Variants in AOAH observed in about 807,000 individuals in gnomAD.
The protein encoded by AOAH is acyloxyacyl hydrolase (neutrophil).
AOAH carries 64 observed loss-of-function variants against 92.2 expected under a neutral mutation model. That is an observed-to-expected ratio of 0.69 (90% confidence interval 0.57 to 0.86). The LOEUF (loss-of-function observed/expected upper bound fraction) is 0.86. AOAH is among the 40% of genes least tolerant of loss of function. AOAH has a pLI of 0.00. For synonymous variants in AOAH, 263 were observed against 254.5 expected (o/e 1.03, Z -0.32); for missense variants, 656 against 694.6 (o/e 0.94, Z 0.62).
At chr7:36,678,600 T>TGTGTGTGTGTGTGTGTGTGTGTGTGTGC (rs549317369) in intron 2 of AOAH, among the ~76,000 whole-genome samples, 1 of 131,034 alleles carries the variant, frequency 7.6e-6, no homozygotes, top group Admixed American at 7.7e-5. Context: ...TGTGTGTGTG[T>TGTGTGTGTGTGTGTGTGTGTGTGTGTGC]GCGCGCGCGC....
At chr7:36,608,484 A>G (rs913160481) in intron 11 of AOAH, among the ~76,000 whole-genome samples, 1 of 152,254 alleles carries the variant, frequency 6.6e-6, no homozygotes, top group Non-Finnish European at 1.5e-5. Context: ...CTTAGCTAAA[A>G]TGTAGATAGA....
rs1447881163 is a variant in AOAH, at chr7:36,659,281, G to A, written c.291-16C>T. Reference sequence around the variant, plus strand: ...TGCGCTAAGCCTGGAGGGAAACGGTGCAAAACAAAGGCTATTCAGATCTCT... The same window carrying A: ...TGCGCTAAGCCTGGAGGGAAACGGTACAAAACAAAGGCTATTCAGATCTCT... On this transcript the variant is annotated splice_polypyrimidine_tract_variant and intron_variant, in intron 3 of 20. Coordinates refer to ENST00000617537, the MANE Select transcript of AOAH (RefSeq NM_001637.4). The A allele has an allele frequency of 6.3e-7, 1 of 1,593,722 alleles. No individual in the cohort carries two copies. The highest frequency in any genetic ancestry group is 1.3e-5 in the African/African-American group (1 of 74,490).
chr7:36,549,536 A>AGACTCCCATATTGATAG, intron 13 of AOAH, 61 bp from the exon 14 acceptor site: 2 of 1,165,380 alleles, frequency 1.7e-6, no homozygotes, highest in Non-Finnish European at 2.5e-6. Context: ...CACTATCAAT[A>AGACTCCCATATTGATAG]TGGGAGTCTG....
intron 20 of AOAH, among the ~76,000 whole-genome samples, chr7:36,520,459 A>G (rs1784051308): frequency 6.6e-6 from 1 of 152,192 alleles, no homozygotes; most frequent in Non-Finnish European, 1.5e-5. Context: ...TAATCCCAGC[A>G]CTTTGGGAGG....
chr7:36,570,071 T>TATCA (rs2116574503), intron 13 of AOAH, among the ~76,000 whole-genome samples: 1 of 152,360 alleles, frequency 6.6e-6, no homozygotes, highest in Non-Finnish European at 1.5e-5. Context: ...AATACAGTAC[T>TATCA]ATCATCTCTA....
intron 13 of AOAH, among the ~76,000 whole-genome samples, chr7:36,574,787 A>T (rs947581450): frequency 6.6e-6 from 1 of 152,232 alleles, no homozygotes; most frequent in Non-Finnish European, 1.5e-5. Flanking sequence ...AATGAAAGCG[A>T]TCACTCGTAA....
In AOAH at chr7:36,540,408, T is replaced by A; in HGVS notation, c.1217A>T (p.His406Leu). Residue 406 changes from histidine (H) to leucine (L), a missense_variant, in exon 16 of 21, where the codon CAC becomes CTC. Coordinates refer to ENST00000617537, the MANE Select transcript of AOAH (RefSeq NM_001637.4). ...VMQTLKHLNS[H>L]LPNGSHVILY... ...AATAACATGGCTGCCATTGGGCAGG[T>A]GGGAATTTAGATGCTTCAGAGTCTG... 1 of 1,613,938 alleles carries A rather than the reference T, an allele frequency of 6.2e-7. No individual in the cohort carries two copies. Among genetic ancestry groups the A allele is most frequent in the Non-Finnish European group, 8.5e-7 (1 of 1,179,930 alleles).
chr7:36,714,657 G>A (rs1476829272), intron 1 of AOAH, among the ~76,000 whole-genome samples: 2 of 152,322 alleles, frequency 1.3e-5, no homozygotes, highest in East Asian at 3.9e-4. Flanking sequence ...TCCCTGGGAT[G>A]CAAGGCTGGT....
At chr7:36,582,318 A>T (rs1319426378) in intron 12 of AOAH, among the ~76,000 whole-genome samples, 2 of 152,160 alleles carry the variant, frequency 1.3e-5, no homozygotes, top group African/African-American at 2.4e-5. Flanking sequence ...TTTTCTCCAC[A>T]CTTTGCCCAA....
At chr7:36,617,009 C>CA (rs141946657) in intron 10 of AOAH, among the ~76,000 whole-genome samples, 1,930 of 152,308 alleles carry the variant, frequency 0.013, 44 homozygotes, top group African/African-American at 0.044. Flanking sequence ...TTTGGAGGTT[C>CA]ACAATCACTT....
intron 12 of AOAH, among the ~76,000 whole-genome samples, chr7:36,580,260 C>T (rs2116672699): frequency 6.6e-6 from 1 of 152,248 alleles, no homozygotes; most frequent in South Asian, 2.1e-4. Context: ...TTTCTCTGTC[C>T]TATTTTCATG....
intron 20 of AOAH, among the ~76,000 whole-genome samples, chr7:36,517,214 C>CTTTTTCTCTTTCTTTCTTTTTCTCTT (rs59205788): frequency 9.5e-6 from 1 of 104,826 alleles, no homozygotes. Flanking sequence ...TTCTTTCTTT[C>CTTTTTCTCTTTCTTTCTTTTTCTCTT]TCTTTCTTTC....
intron 1 of AOAH, among the ~76,000 whole-genome samples, chr7:36,714,346 AC>A (rs1455528611): frequency 1.3e-5 from 2 of 152,204 alleles, no homozygotes; most frequent in Admixed American, 1.3e-4. Flanking sequence ...TAGCTTACCA[AC>A]CAAAAAAAGT....
chr7:36,654,489 G>A (rs1175137376), intron 4 of AOAH, among the ~76,000 whole-genome samples: 1 of 152,088 alleles, frequency 6.6e-6, no homozygotes, highest in African/African-American at 2.4e-5. Flanking sequence ...TGATGAATAG[G>A]GGTTCACTGT....
chr7:36,698,122 G>A (rs554512565), intron 1 of AOAH, among the ~76,000 whole-genome samples: 10 of 152,212 alleles, frequency 6.6e-5, no homozygotes, highest in African/African-American at 2.4e-4. Flanking sequence ...TCTTTACTTG[G>A]TATAGGTCTA....
intron 12 of AOAH, among the ~76,000 whole-genome samples, chr7:36,579,394 T>G (rs1583864970): frequency 3.3e-5 from 5 of 150,644 alleles, no homozygotes; most frequent in African/African-American, 7.3e-5. Flanking sequence ...TTGTGAGATA[T>G]AATAAAACGA....
At chr7:36,692,430 C>T (rs1797460619) in intron 1 of AOAH, among the ~76,000 whole-genome samples, 1 of 148,806 alleles carries the variant, frequency 6.7e-6, no homozygotes, top group South Asian at 2.2e-4. Context: ...GACTCTGTGG[C>T]CTAACCTAAC....
intron 5 of AOAH, among the ~76,000 whole-genome samples, chr7:36,634,300 G>A (rs1392815421): frequency 1.3e-5 from 2 of 152,090 alleles, no homozygotes; most frequent in African/African-American, 4.8e-5. Context: ...CCCTGGGCCT[G>A]GTAGTTAAAG....
intron 4 of AOAH, among the ~76,000 whole-genome samples, chr7:36,650,656 A>T (rs1314063492): frequency 6.6e-6 from 1 of 152,234 alleles, no homozygotes; most frequent in East Asian, 1.9e-4. Context: ...TCACATTCTC[A>T]AAGAAGCCGA....
Sources: gnomAD v4.1 joint callset for allele counts (sites outside exome capture counted in the v4.1 genomes callset) on GRCh38, gnomAD v4.1.1 for gene constraint, MANE v1.5 for transcripts, NCBI Gene and HGNC (gene_info 2026-07-23, HGNC 2026-07-21) for gene names.